Variants in HELZ observed in about 807,000 individuals in gnomAD.
HELZ encodes helicase with zinc finger, also known as ATP-dependent RNA helicase with zinc finger domain.
HELZ carries 23 observed loss-of-function variants against 218.2 expected under a neutral mutation model. The ratio of observed to expected loss-of-function variants is 0.11; its 90% CI spans 0.08 to 0.15. HELZ has a LOEUF of 0.15. Among genes scored for constraint, HELZ ranks in the 10% least tolerant of loss-of-function variants. HELZ has a pLI of 1.00. For missense variants in HELZ, 1,813 were observed against 2,353.7 expected, an observed-to-expected ratio of 0.77 and a Z score of 4.75; for synonymous variants, 814 against 829.4, an observed-to-expected ratio of 0.98 and a Z score of 0.32.
Position 67,188,351 on chromosome 17 carries a change from T to C in HELZ, c.1130A>G (p.Gln377Arg). Residue 377 changes from glutamine to arginine, a missense_variant, in exon 12 of 33, where the codon CAA becomes CGA. Around this residue, in one of 4 missense-constraint regions of HELZ, gnomAD observed 714 missense variants for 1,029.2 expected, o/e 0.69. Coordinates refer to ENST00000358691, the MANE Select transcript of HELZ (RefSeq NM_014877.4). This position sits in a 1 kb window ranked among gnomAD's most constrained non-coding sequence, Gnocchi z 4.1. ...AGAAGCTGCATCAATCATTACTCTT[T>C]GCATGAGTACTGGTTCCAATCCAAA... ...FDFGLEPVLM[Q>R]RVMIDAASTE... 1 of 1,613,080 alleles carries C rather than the reference T, an allele frequency of 6.2e-7. No homozygotes were observed. The highest frequency in any genetic ancestry group is 8.5e-7 in the Non-Finnish European group (1 of 1,179,094).
intron 13 of HELZ, among the ~76,000 whole-genome samples, chr17:67,170,343 C>T (rs538364101): frequency 2.8e-4 from 43 of 152,202 alleles, no homozygotes; most frequent in Middle Eastern, 3.4e-3. Context: ...GGTGAAACCC[C>T]GTCTCTACTA....
chr17:67,092,691 C>T (rs1359194905), intron 31 of HELZ, among the ~76,000 whole-genome samples: 3 of 152,204 alleles, frequency 2.0e-5, no homozygotes, highest in Admixed American at 1.3e-4. Flanking sequence ...AGCGGCCAGG[C>T]GCAGTGGTTC....
chr17:67,107,544 T>G lies in HELZ; in HGVS notation c.4866A>C (p.Pro1622=). 3 of 1,614,144 alleles carry G rather than the reference T, an allele frequency of 1.9e-6. No individual in the cohort carries two copies. The stretch of plus-strand genomic sequence containing the variant: ...AGTGGCTACTGTGGTCTGTACTGGA[T>G]GGGGGAGATGGGACTGCTGGTGGGC... ...SRSPPAVPSP[P]SSTDHSSHFS... The change falls in exon 31 of 33, where the codon CCA becomes CCC. Residue 1622 remains proline (P), a synonymous_variant. Coordinates refer to ENST00000358691, the MANE Select transcript of HELZ (RefSeq NM_014877.4).
At chr17:67,141,927 CCAGCTA>C (rs779435346) in intron 21 of HELZ, among the ~76,000 whole-genome samples, 1 of 152,030 alleles carries the variant, frequency 6.6e-6, no homozygotes, top group South Asian at 2.1e-4. Context: ...ACTTGTAATT[CCAGCTA>C]CTTGGGAGGC....
At chr17:67,244,971 G>C (rs1052830675) in intron 1 of HELZ, 177 bp downstream of exon 1, 15 of 985,718 alleles carry the variant, frequency 1.5e-5, no homozygotes, top group Admixed American at 1.2e-4. Flanking sequence ...TCCGGGCCTC[G>C]CCTCGAAGAG....
At chr17:67,153,620 A>G (rs978877736) in intron 17 of HELZ, among the ~76,000 whole-genome samples, 1 of 152,226 alleles carries the variant, frequency 6.6e-6, no homozygotes, top group Admixed American at 6.5e-5. Flanking sequence ...ATCAAATGAG[A>G]TAACAGATGT....
intron 17 of HELZ, among the ~76,000 whole-genome samples, chr17:67,155,853 AAAG>A (rs1195926548): frequency 3.3e-5 from 5 of 151,544 alleles, no homozygotes; most frequent in Non-Finnish European, 5.9e-5. Context: ...GAAAAAAAAA[AAAG>A]AAGCTACAAT....
chr17:67,139,365 A>G (rs187142673), intron 21 of HELZ, among the ~76,000 whole-genome samples: 1 of 152,312 alleles, frequency 6.6e-6, no homozygotes, highest in Non-Finnish European at 1.5e-5. Flanking sequence ...GTCTACTGCA[A>G]TAAGGAATAA....
chr17:67,092,800 A>C (rs970216570), intron 31 of HELZ, among the ~76,000 whole-genome samples: 14 of 152,010 alleles, frequency 9.2e-5, no homozygotes, highest in African/African-American at 3.4e-4. Context: ...CCCCATCTCT[A>C]CTAAAAATAT....
chr17:67,192,055 T>C (rs142980393), intron 9 of HELZ, among the ~76,000 whole-genome samples: 1,538 of 151,664 alleles, frequency 0.01, 24 homozygotes, highest in African/African-American at 0.034. Context: ...AATAGAAAAT[T>C]AGCCGGGGTG....
At chr17:67,176,020 C>T (rs1567865039) in intron 13 of HELZ, among the ~76,000 whole-genome samples, 1 of 152,238 alleles carries the variant, frequency 6.6e-6, no homozygotes, top group African/African-American at 2.4e-5. Context: ...TACCTAAGGG[C>T]TTTTTTACAC....
chr17:67,154,997 T>G (rs1355136597), intron 17 of HELZ, among the ~76,000 whole-genome samples: 2 of 152,204 alleles, frequency 1.3e-5, no homozygotes, highest in Non-Finnish European at 2.9e-5. Flanking sequence ...AGCCACATTT[T>G]AAAACTAAAA....
At chr17:67,104,822 A>T (rs11079682) in intron 31 of HELZ, among the ~76,000 whole-genome samples, 45,602 of 152,078 alleles carry the variant, frequency 0.3, 7,946 homozygotes, top group East Asian at 0.69. Flanking sequence ...GGGAAATGCA[A>T]ATCAAAACTA....
In HELZ at chr17:67,230,561, T is replaced by C. The variant is rs554844259; in HGVS notation, c.-19+8872A>G. On this transcript the variant is annotated intron_variant, in intron 3 of 32. Transcript: ENST00000358691. ...GCAGTGAGCTAAGATCGCGGCATTG[T>C]ACTCCAGCCTGGTGGCAGAGTGAGA... is the stretch of plus-strand genomic sequence containing the variant. Among the ~76,000 whole-genome samples, 4 of 127,756 alleles carry C rather than the reference T, an allele frequency of 3.1e-5. No individual in the cohort carries two copies. The South Asian group carries it at 7.4e-4, about 24-fold the overall frequency. The allele number at this position is 127,756 out of a possible 152,430, so 83.8% of individuals were successfully genotyped here.
intron 25 of HELZ, among the ~76,000 whole-genome samples, 174 bp from the exon 26 acceptor site, chr17:67,123,334 A>G (rs1341251405): frequency 6.6e-6 from 1 of 152,174 alleles, no homozygotes; most frequent in African/African-American, 2.4e-5. Context: ...AAAAATTTTT[A>G]TAATGCTCCC....
At position 67,075,529 on chromosome 17, in the gene HELZ, ACTC is replaced by A. The variant is rs2035994198; in HGVS notation, c.*2720_*2722del. 6.6e-6 allele frequency: 1 copy of A among 152,178 alleles called. No homozygotes were observed. 9.4% of individuals were successfully genotyped at this position (152,178 alleles called of 1,614,324 possible). On this transcript the variant is annotated 3_prime_UTR_variant, in exon 33 of 33. Transcript: ENST00000358691. ...TGATTTATGGGTACTTGCTACTACTACTCAAGTAATACCCAAAGAACATCAGCT... is the reference window on the plus strand; with the variant it reads ...TGATTTATGGGTACTTGCTACTACTAAAGTAATACCCAAAGAACATCAGCT...
chr17:67,125,731 C>T (rs1464648537), intron 24 of HELZ, among the ~76,000 whole-genome samples: 2 of 152,104 alleles, frequency 1.3e-5, no homozygotes, highest in African/African-American at 4.8e-5. Flanking sequence ...GCAAAAGGGA[C>T]TCTGTGAATA....
intron 23 of HELZ, 141 bp downstream of exon 23, chr17:67,135,829 T>C (rs1304159390): frequency 1.9e-5 from 12 of 644,068 alleles, no homozygotes; most frequent in South Asian, 5.9e-5. Context: ...CAAAGTAATA[T>C]GCTTTTGTGT....
chr17:67,093,178 C>G (rs548586025), intron 31 of HELZ, among the ~76,000 whole-genome samples: 1 of 152,258 alleles, frequency 6.6e-6, no homozygotes, highest in South Asian at 2.1e-4. Context: ...AGAAAAGGCA[C>G]TGCAGAAAAC....
Sources: allele counts gnomAD v4.1 joint callset (sites outside exome capture counted in the v4.1 genomes callset), GRCh38; gene constraint gnomAD v4.1.1; regional missense constraint gnomAD v4.1.1; non-coding constraint Gnocchi (gnomAD v3.1); transcripts MANE v1.5; gene names NCBI Gene and HGNC (gene_info 2026-07-23, HGNC 2026-07-21).